Variants in INVS observed in about 807,000 individuals in gnomAD.
INVS encodes the protein inversion of embryo turning homolog.
INVS carries 86 observed loss-of-function variants against 108.8 expected under a neutral mutation model. The ratio of observed to expected loss-of-function variants is 0.79; its 90% CI spans 0.66 to 0.95. The LOEUF (loss-of-function observed/expected upper bound fraction) is 0.95, where lower values mean the gene tolerates loss of function less well. Among genes scored for constraint, INVS ranks in the 40% least tolerant of loss-of-function variants. INVS has a pLI of 0.00. For synonymous variants in INVS, 455 were observed against 473.5 expected (o/e 0.96, Z 0.51); for missense variants, 1,169 against 1,297.4 (o/e 0.90, Z 1.52).
chr9:100,154,591 T>C (rs909535489), intron 3 of INVS, among the ~76,000 whole-genome samples: 1 of 152,070 alleles, frequency 6.6e-6, no homozygotes, highest in Non-Finnish European at 1.5e-5. Context: ...TAAAATGATC[T>C]GGAATGAAAA....
At position 100,272,994 on chromosome 9, in the gene INVS, G is replaced by A; in HGVS notation, c.1702G>A (p.Gly568Arg). 3 of 1,613,990 alleles carry A rather than the reference G, an allele frequency of 1.9e-6. No individual in the cohort carries two copies. In the South Asian group the frequency reaches 3.3e-5, roughly 18 times the overall value. Reference protein sequence around the residue: ...AAFKIQAVYKGYKVRKAFRDR... With the variant: ...AAFKIQAVYKRYKVRKAFRDR... ...CTTCAAAATCCAAGCTGTCTACAAA[G>A]GGTACAAGGTCAGAAAAGCCTTCCG... The change falls in exon 12 of 17, where the codon GGG (glycine) becomes AGG (arginine). Residue 568 changes from glycine (G) to arginine (R), a missense_variant. Gly to Arg is a moderately radical substitution (Grantham distance 125). Around this residue, in one of 3 missense-constraint regions of INVS, gnomAD observed 271 missense variants for 363.8 expected, o/e 0.74. Coordinates refer to ENST00000262457, the MANE Select transcript of INVS (RefSeq NM_014425.5).
chr9:100,108,081 T>A (rs1827232431), intron 2 of INVS, among the ~76,000 whole-genome samples: 1 of 152,092 alleles, frequency 6.6e-6, no homozygotes, highest in South Asian at 2.1e-4. Flanking sequence ...AAGTACCAAG[T>A]AAAATGAATT....
chr9:100,196,439 A>C (rs1252398227), intron 3 of INVS, among the ~76,000 whole-genome samples: 1 of 151,958 alleles, frequency 6.6e-6, no homozygotes, highest in Non-Finnish European at 1.5e-5. Flanking sequence ...ATACCTTGTG[A>C]CTCTGGCTTG....
intron 3 of INVS, among the ~76,000 whole-genome samples, chr9:100,171,863 A>G (rs1305310378): frequency 6.6e-6 from 1 of 152,166 alleles, no homozygotes; most frequent in African/African-American, 2.4e-5. Flanking sequence ...TATAAATCAG[A>G]AGACCTAGAT....
intron 10 of INVS, among the ~76,000 whole-genome samples, chr9:100,254,577 T>C (rs1489073112): frequency 6.6e-6 from 1 of 152,230 alleles, no homozygotes; most frequent in Non-Finnish European, 1.5e-5. Context: ...TTAATCCATC[T>C]TGAATTAATT....
At chr9:100,155,705 C>T (rs527716796) in intron 3 of INVS, among the ~76,000 whole-genome samples, 26 of 152,264 alleles carry the variant, frequency 1.7e-4, no homozygotes, top group African/African-American at 6.0e-4. Flanking sequence ...AGGACAAAGA[C>T]AGCTACAAAG....
At chr9:100,213,928 T>G (rs535241644) in intron 3 of INVS, among the ~76,000 whole-genome samples, 2 of 152,196 alleles carry the variant, frequency 1.3e-5, no homozygotes, top group African/African-American at 4.8e-5. Context: ...GCATACCCAG[T>G]AAGAACGTTT....
At chr9:100,288,425 C>T (rs904829918) in intron 13 of INVS, among the ~76,000 whole-genome samples, 43 of 152,036 alleles carry the variant, frequency 2.8e-4, no homozygotes, top group African/African-American at 9.9e-4. Context: ...GGGTTTCCTG[C>T]GAATCTGATT....
At chr9:100,152,575 A>G (rs994819421) in intron 3 of INVS, among the ~76,000 whole-genome samples, 1 of 152,168 alleles carries the variant, frequency 6.6e-6, no homozygotes, top group African/African-American at 2.4e-5. Context: ...CTTGCTCACC[A>G]TTCCAATTCT....
At chr9:100,138,550 C>A (rs1401453052) in intron 3 of INVS, among the ~76,000 whole-genome samples, 2 of 152,086 alleles carry the variant, frequency 1.3e-5, no homozygotes, top group African/African-American at 4.8e-5. Context: ...TACCCAGCTT[C>A]TACCCTTTCC....
chr9:100,129,557 C>G, intron 3 of INVS: 2 of 470,842 alleles, frequency 4.2e-6, no homozygotes, highest in Non-Finnish European at 3.9e-6. Flanking sequence ...AAATAAGAAA[C>G]CAACAAGACA....
intron 3 of INVS, among the ~76,000 whole-genome samples, chr9:100,203,770 T>G (rs1274329970): frequency 6.6e-6 from 1 of 152,156 alleles, no homozygotes; most frequent in East Asian, 1.9e-4. Flanking sequence ...CCCAAAGTGC[T>G]GGGCACGCCC....
chr9:100,203,689 G>T (rs1830596515), intron 3 of INVS, among the ~76,000 whole-genome samples: 1 of 151,890 alleles, frequency 6.6e-6, no homozygotes, highest in African/African-American at 2.4e-5. Context: ...TTTTAGTAGA[G>T]ACAGGTTTTT....
intron 3 of INVS, among the ~76,000 whole-genome samples, chr9:100,178,459 T>TA (rs1160642208): frequency 2.0e-5 from 3 of 152,096 alleles, no homozygotes; most frequent in South Asian, 2.1e-4. Flanking sequence ...CTGATGGAGC[T>TA]AAAAAAACAC....
intron 3 of INVS, among the ~76,000 whole-genome samples, chr9:100,132,193 A>T (rs916916621): frequency 6.6e-6 from 1 of 151,136 alleles, no homozygotes; most frequent in Non-Finnish European, 1.5e-5. Context: ...AGCTTCTGCC[A>T]CTTAATAAAG....
At chr9:100,124,780 A>G (rs1367916153) in intron 2 of INVS, among the ~76,000 whole-genome samples, 1 of 152,048 alleles carries the variant, frequency 6.6e-6, no homozygotes, top group Non-Finnish European at 1.5e-5. Context: ...TTAAATTAAT[A>G]TTTTCCAAAC....
intron 3 of INVS, among the ~76,000 whole-genome samples, chr9:100,150,600 A>G (rs921532579): frequency 6.6e-6 from 1 of 152,164 alleles, no homozygotes; most frequent in South Asian, 2.1e-4. Flanking sequence ...ATCAATTCTA[A>G]AGAAAATTTG....
chr9:100,127,270 C>T (rs1251781046), intron 3 of INVS, among the ~76,000 whole-genome samples: 1 of 151,942 alleles, frequency 6.6e-6, no homozygotes, highest in Admixed American at 6.6e-5. Flanking sequence ...CATTAAGAAG[C>T]ATAAAATAAA....
At chr9:100,232,170 G>T (rs1380436051) in intron 5 of INVS, among the ~76,000 whole-genome samples, 1 of 151,668 alleles carries the variant, frequency 6.6e-6, no homozygotes, top group Non-Finnish European at 1.5e-5. Flanking sequence ...AGAAGTGTCT[G>T]TTCGTATCCT....
Sources: gnomAD v4.1 joint callset for allele counts (sites outside exome capture counted in the v4.1 genomes callset) on GRCh38, gnomAD v4.1.1 for gene constraint, gnomAD v4.1.1 regional missense constraint, MANE v1.5 for transcripts, NCBI Gene and HGNC (gene_info 2026-07-23, HGNC 2026-07-21) for gene names.